ACBD5: variants seen among roughly 807,000 people sequenced by gnomAD.
The protein encoded by ACBD5 is acyl-CoA-binding domain-containing protein 5.
A neutral mutation model predicts 71.8 loss-of-function variants in ACBD5; 40 were observed. That is an observed-to-expected ratio of 0.56 (90% CI 0.43 to 0.72). The LOEUF (loss-of-function observed/expected upper bound fraction) is 0.72, where lower values mean the gene tolerates loss of function less well. Among genes scored for constraint, ACBD5 ranks in the 30% least tolerant of loss-of-function variants. The probability of loss-of-function intolerance (pLI) is 0.00; values close to 1 mark genes in which losing one functional copy is unlikely to be tolerated. For missense variants in ACBD5, 559 were observed against 644.5 expected (o/e 0.87, Z 1.44); for synonymous variants, 229 against 218.6 (o/e 1.05, Z -0.42).
rs2061537351 is a variant in ACBD5, at chr10:27,215,625, A to G, written c.846T>C (p.His282=). 2 of 1,611,458 alleles carry G rather than the reference A, an allele frequency of 1.2e-6. No homozygotes were observed. Among genetic ancestry groups the G allele is most frequent in the Non-Finnish European group, 8.5e-7 (1 of 1,178,034 alleles). ...GCTGAATTCCTGTAACATCTTCAACATGATCATCATTTATATCTAAATATG... is the reference window on the plus strand; with the variant it reads ...GCTGAATTCCTGTAACATCTTCAACGTGATCATCATTTATATCTAAATATG... ...VCIHQDINDD[H]VEDVTGIQHL... is the part of the protein sequence containing the mutation. Residue 282 remains histidine, a synonymous_variant, in exon 8 of 13, where the codon CAT becomes CAC. Transcript: ENST00000396271.
At chr10:27,241,771 G>A (rs1330914698), upstream of ACBD5, among the ~76,000 whole-genome samples, 1 of 152,114 alleles carries the variant, frequency 6.6e-6, no homozygotes, top group African/African-American at 2.4e-5. Context: ...GGGCCAATGA[G>A]GAGTCTTTAC....
chr10:27,183,429 A>G lies in ACBD5; in HGVS notation c.1494-714T>C, dbSNP rs530028644. 2.6e-5 allele frequency among the ~76,000 whole-genome samples: 4 copies of G among 152,096 alleles called. No individual in the cohort carries two copies. In the East Asian group the frequency reaches 7.8e-4, roughly 29 times the overall value. On this transcript the variant is annotated intron_variant, in intron 13 of 13. Coordinates refer to the ACBD5 transcript ENST00000676511. Reference sequence around the variant, plus strand: ...CCCCCAAGTAGCTGGGACTACAGGCATGTGCCACCACGCCCAGCTAATTTT... The same window carrying G: ...CCCCCAAGTAGCTGGGACTACAGGCGTGTGCCACCACGCCCAGCTAATTTT...
intron 9 of ACBD5, among the ~76,000 whole-genome samples, chr10:27,209,489 A>G (rs2060838912): frequency 6.6e-6 from 1 of 151,966 alleles, no homozygotes; most frequent in African/African-American, 2.4e-5. Context: ...CGCCCGGCTA[A>G]TTTTTGTATT....
rs61849037 is a variant in ACBD5, at chr10:27,196,197, T to C, written c.*1233A>G. ...CCTGGGCAACAAGAGAGAAACTCCA[T>C]TTAAAAAAAAAAATTATTTGTTACA... On this transcript the variant is annotated 3_prime_UTR_variant, in exon 13 of 13. Coordinates refer to ENST00000396271, the MANE Select transcript of ACBD5 (RefSeq NM_145698.5). The C allele has an allele frequency of 2.2e-6, 1 of 453,418 alleles. No homozygotes were observed. The highest frequency in any genetic ancestry group is 7.0e-5 in the East Asian group (1 of 14,290). 28.1% of individuals were successfully genotyped at this position (453,418 alleles called of 1,614,324 possible).
chr10:27,234,729 C>G (rs545457070), intron 3 of ACBD5, among the ~76,000 whole-genome samples: 1 of 152,134 alleles, frequency 6.6e-6, no homozygotes, highest in South Asian at 2.1e-4. Flanking sequence ...CCCAGCAGTT[C>G]GAGACCAGCG....
rs1199517330 is a variant in ACBD5, at chr10:27,197,106, T to C, written c.*324A>G. 1 of 479,940 alleles carries C rather than the reference T, an allele frequency of 2.1e-6. No individual in the cohort carries two copies. Among genetic ancestry groups the C allele is most frequent in the East Asian group, 5.3e-5 (1 of 18,996 alleles). 29.7% of individuals were successfully genotyped at this position (479,940 alleles called of 1,614,324 possible). On this transcript the variant is annotated 3_prime_UTR_variant, in exon 13 of 13. Coordinates refer to ENST00000396271, the MANE Select transcript of ACBD5 (RefSeq NM_145698.5). ...CTTTGAAAAGCAGCTTATGTTACTCTATGGAAGATAATCAGGTAAACATGT... is the reference window on the plus strand; with the variant it reads ...CTTTGAAAAGCAGCTTATGTTACTCCATGGAAGATAATCAGGTAAACATGT...
intron 2 of ACBD5, among the ~76,000 whole-genome samples, chr10:27,235,939 C>T (rs1378865469): frequency 1.3e-5 from 2 of 151,864 alleles, no homozygotes; most frequent in African/African-American, 4.8e-5. Context: ...ATAGCAAAAC[C>T]CTGTCTCTAC....
chr10:27,196,862 A>C lies in ACBD5; in HGVS notation c.*568T>G. 1 of 454,078 alleles carries C rather than the reference A, an allele frequency of 2.2e-6. No homozygotes were observed. 28.1% of individuals were successfully genotyped at this position (454,078 alleles called of 1,614,324 possible). A position where few individuals can be genotyped will look rare whatever the true frequency, so the allele number is the denominator to read the frequency against. On this transcript the variant is annotated 3_prime_UTR_variant, in exon 13 of 13. Transcript: ENST00000396271. ...ATGATGCCTGAACACCAAACTCAAG[A>C]GTTGTGAATGCCCAAGAAAGATTAT... is the stretch of plus-strand genomic sequence containing the variant.
rs115786098 is a variant in ACBD5, at chr10:27,183,733, T to C, written c.1494-1018A>G. Among the ~76,000 whole-genome samples, 838 of 152,196 alleles carry C rather than the reference T, an allele frequency of 5.5e-3. 12 individuals carry two copies. The highest frequency in any genetic ancestry group is 0.019 in the African/African-American group (784 of 41,500). ...TTTCTTTTTTTGGTTTTGGGATTTT[T>C]TTGAGACAGGATCTGGGTCTGTCGC... On this transcript the variant is annotated intron_variant, in intron 13 of 13. Coordinates refer to the ACBD5 transcript ENST00000676511.
At chr10:27,229,266 C>T (rs1429682907) in intron 4 of ACBD5, among the ~76,000 whole-genome samples, 1 of 151,904 alleles carries the variant, frequency 6.6e-6, no homozygotes, top group Non-Finnish European at 1.5e-5. Flanking sequence ...TGCAAAGACA[C>T]AAAATGAGAT....
chr10:27,217,883 A>G, intron 7 of ACBD5, 97 bp downstream of exon 7: 1 of 1,114,896 alleles, frequency 9.0e-7, no homozygotes, highest in Middle Eastern at 2.1e-4. Context: ...TTATTAAATA[A>G]GAGATTTTTA....
chr10:27,215,662 A>G (rs2061540640), intron 7 of ACBD5, 21 bp from the exon 8 acceptor site: 1 of 1,531,788 alleles, frequency 6.5e-7, no homozygotes, highest in African/African-American at 1.4e-5. Flanking sequence ...ACAAAAGTGC[A>G]GATAGGGTAA....
rs569179265 is a variant in ACBD5 at position 27,204,228 on chromosome 10, C to A, written c.1565+212G>T. ...AAGGTGTATAAATCCATCAGATGCTCTCAAGTGAAAATGTTTTTAAGTCTA... is the reference window on the plus strand; with the variant it reads ...AAGGTGTATAAATCCATCAGATGCTATCAAGTGAAAATGTTTTTAAGTCTA... On this transcript the variant is annotated intron_variant, in intron 12 of 12. Coordinates refer to ENST00000396271, the MANE Select transcript of ACBD5 (RefSeq NM_145698.5). 4.0e-5 allele frequency among the ~76,000 whole-genome samples: 6 copies of A among 149,326 alleles called. No homozygotes were observed. In the East Asian group the frequency reaches 1.2e-3, roughly 30 times the overall value.
At chr10:27,235,536 A>C (rs577002094) in intron 2 of ACBD5, among the ~76,000 whole-genome samples, 1 of 152,370 alleles carries the variant, frequency 6.6e-6, no homozygotes, top group East Asian at 1.9e-4. Flanking sequence ...TAGAATAACT[A>C]TTATTAAGCA....
intron 3 of ACBD5, among the ~76,000 whole-genome samples, chr10:27,232,072 T>C (rs1272155566): frequency 6.6e-6 from 1 of 152,170 alleles, no homozygotes; most frequent in East Asian, 1.9e-4. Flanking sequence ...AGACCATTCA[T>C]AAATATTTGA....
Position 27,208,303 on chromosome 10 carries a change from C to T in ACBD5, c.1347G>A (p.Glu449=), listed in dbSNP as rs2060681744. Residue 449 remains glutamate (E), a synonymous_variant, in exon 10 of 13, where the codon GAG becomes GAA. Coordinates refer to ENST00000396271, the MANE Select transcript of ACBD5 (RefSeq NM_145698.5). ...GTCTCTGAAGGACATTCTGCATGTC[C>T]TCCTGCAGTCTCATCAGCACGAGGG... ...QIALVLMRLQ[E]DMQNVLQRLQ... is the part of the protein sequence containing the mutation. The T allele has an allele frequency of 1.2e-6, 2 of 1,614,164 alleles. No homozygotes were observed. The highest frequency in any genetic ancestry group is 1.7e-6 in the Non-Finnish European group (2 of 1,180,034).
chr10:27,200,451 C>CTT (rs1008838191), intron 12 of ACBD5, among the ~76,000 whole-genome samples: 1 of 146,978 alleles, frequency 6.8e-6, no homozygotes, highest in African/African-American at 2.5e-5. Flanking sequence ...TTTTTTCTCT[C>CTT]TTTTTTTTTT....
chr10:27,231,744 C>G lies in ACBD5; in HGVS notation c.375+4G>C, dbSNP rs765283739. The G allele has an allele frequency of 6.2e-7, 1 of 1,613,384 alleles. No individual in the cohort carries two copies. Among genetic ancestry groups the G allele is most frequent in the Non-Finnish European group, 8.5e-7 (1 of 1,179,696 alleles). On this transcript the variant is annotated splice_donor_region_variant and intron_variant, in intron 4 of 12. Coordinates refer to ENST00000396271, the MANE Select transcript of ACBD5 (RefSeq NM_145698.5). ...TCATTTTAACTGTGAATTATTTTCC[C>G]TACCTTTTTCATTTCTTCAACATAT... is the stretch of plus-strand genomic sequence containing the variant.
At chr10:27,218,280 CA>C in intron 6 of ACBD5, 97 bp from the exon 7 acceptor site, 2 of 999,618 alleles carry the variant, frequency 2.0e-6, no homozygotes, top group Non-Finnish European at 3.1e-6. Flanking sequence ...CCTAACCTAC[CA>C]CAATCCCTTT....
Sources: allele counts gnomAD v4.1 joint callset (sites outside exome capture counted in the v4.1 genomes callset), GRCh38; gene constraint gnomAD v4.1.1; transcripts MANE v1.5; gene names NCBI Gene and HGNC (gene_info 2026-07-23, HGNC 2026-07-21).